Variants in KCNIP4 observed in about 807,000 individuals in gnomAD.
The protein encoded by KCNIP4 is Kv channel-interacting protein 4.
Under a neutral mutation model 34.0 loss-of-function variants are expected in KCNIP4, and 12 were observed. That is an observed-to-expected ratio of 0.35 (90% confidence interval 0.23 to 0.57). The LOEUF is 0.57. Ranked by LOEUF, KCNIP4 falls within the 20% of genes least tolerant of loss-of-function variation. The pLI, the probability that KCNIP4 is intolerant of heterozygous loss-of-function variation, is 0.83. For missense variants in KCNIP4, 238 were observed against 311.7 expected (o/e 0.76, Z 1.78); for synonymous variants, 124 against 102.2 (o/e 1.21, Z -1.29).
chr4:21,324,703 G>GT (rs906832422), intron 1 of KCNIP4, among the ~76,000 whole-genome samples: 12 of 149,852 alleles, frequency 8.0e-5, no homozygotes, highest in African/African-American at 2.7e-4. Context: ...GTTTTGTTTT[G>GT]TTTTTTTCTT....
intron 1 of KCNIP4, among the ~76,000 whole-genome samples, chr4:21,315,032 C>T (rs1324873470): frequency 2.0e-5 from 3 of 152,190 alleles, no homozygotes; most frequent in Non-Finnish European, 4.4e-5. Flanking sequence ...GAAATACTGC[C>T]TGGACACAAA....
intron 1 of KCNIP4, among the ~76,000 whole-genome samples, chr4:20,919,095 G>T (rs1368669352): frequency 6.6e-6 from 1 of 152,176 alleles, no homozygotes; most frequent in Admixed American, 6.5e-5. Context: ...GGGCTGATGT[G>T]AGAGGAAAAG....
At chr4:21,673,842 C>G (rs1201114285) in intron 1 of KCNIP4, among the ~76,000 whole-genome samples, 2 of 152,154 alleles carry the variant, frequency 1.3e-5, no homozygotes, top group African/African-American at 4.8e-5. Context: ...TACCTTACTT[C>G]ATCACTTCCA....
intron 1 of KCNIP4, among the ~76,000 whole-genome samples, chr4:20,948,448 C>A (rs1302199320): frequency 1.3e-5 from 2 of 152,204 alleles, no homozygotes; most frequent in East Asian, 3.9e-4. Context: ...ATCTTTCCAG[C>A]CAGCTTTGAG....
intron 1 of KCNIP4, among the ~76,000 whole-genome samples, chr4:21,648,721 A>C (rs1424413287): frequency 2.0e-5 from 3 of 152,206 alleles, no homozygotes; most frequent in Non-Finnish European, 4.4e-5. Context: ...AATCAGGGTA[A>C]TCAAGCATTG....
chr4:21,708,826 G>A (rs1713491138), intron 1 of KCNIP4, among the ~76,000 whole-genome samples: 1 of 152,152 alleles, frequency 6.6e-6, no homozygotes, highest in South Asian at 2.1e-4. Flanking sequence ...GACTCACACA[G>A]ATTTGGTAAA....
intron 3 of KCNIP4, among the ~76,000 whole-genome samples, chr4:20,821,123 G>A (rs1240158436): frequency 6.6e-6 from 1 of 152,176 alleles, no homozygotes; most frequent in African/African-American, 2.4e-5. Context: ...TGAGGGCTGT[G>A]CCCAACTAAG....
intron 3 of KCNIP4, among the ~76,000 whole-genome samples, chr4:20,761,683 G>C (rs1172895441): frequency 7.2e-5 from 11 of 152,134 alleles, no homozygotes; most frequent in Admixed American, 7.2e-4. Flanking sequence ...CAACAAATTT[G>C]TTAGCTGCCT....
Position 21,926,459 on chromosome 4 carries a change from T to C in KCNIP4, c.61+22112A>G, listed in dbSNP as rs907023682. Among the ~76,000 whole-genome samples, 3 of 152,264 alleles carry C rather than the reference T, an allele frequency of 2.0e-5. No individual in the cohort carries two copies. The South Asian group carries it at 6.2e-4, about 32-fold the overall frequency. ...GCTGAGAAGCAGGTGTTTTCACTAT[T>C]TGAATCATTGAGAAGAATCCAACAC... On this transcript the variant is annotated intron_variant, in intron 1 of 8. Coordinates refer to ENST00000382152, the MANE Select transcript of KCNIP4 (RefSeq NM_025221.6).
chr4:20,919,432 G>C (rs151072152), intron 1 of KCNIP4, among the ~76,000 whole-genome samples: 1 of 151,510 alleles, frequency 6.6e-6, no homozygotes, highest in East Asian at 1.9e-4. Flanking sequence ...GATCGGGCGC[G>C]GTGGCTCATG....
chr4:21,601,828 A>C (rs910241333), intron 1 of KCNIP4, among the ~76,000 whole-genome samples: 1 of 152,078 alleles, frequency 6.6e-6, no homozygotes, highest in Non-Finnish European at 1.5e-5. Flanking sequence ...ATGCTTATGC[A>C]TGGCTGGTTC....
chr4:20,875,757 T>C (rs944660692), intron 2 of KCNIP4, among the ~76,000 whole-genome samples: 57 of 152,296 alleles, frequency 3.7e-4, no homozygotes, highest in African/African-American at 1.2e-3. Context: ...TGTTGTATTT[T>C]TAATGGGCAA....
chr4:21,573,405 G>C (rs1425212304), intron 1 of KCNIP4, among the ~76,000 whole-genome samples: 1 of 151,970 alleles, frequency 6.6e-6, no homozygotes, highest in Non-Finnish European at 1.5e-5. Flanking sequence ...AAGCACCTTA[G>C]ATATTTCTTT....
intron 2 of KCNIP4, among the ~76,000 whole-genome samples, chr4:20,877,344 C>T (rs961084796): frequency 5.3e-5 from 8 of 152,268 alleles, no homozygotes; most frequent in Middle Eastern, 3.4e-3. Flanking sequence ...ATAAACCCTG[C>T]GCATACCTTT....
At chr4:20,993,891 A>C (rs1737307355) in intron 1 of KCNIP4, among the ~76,000 whole-genome samples, 1 of 152,080 alleles carries the variant, frequency 6.6e-6, no homozygotes, top group African/African-American at 2.4e-5. Context: ...GGAGGGAATC[A>C]ATTTTCTTGC....
chr4:21,649,871 T>C (rs1407048847), intron 1 of KCNIP4, among the ~76,000 whole-genome samples: 1 of 152,216 alleles, frequency 6.6e-6, no homozygotes, highest in Non-Finnish European at 1.5e-5. Context: ...TAAGTGTGAA[T>C]GGGCAAAAGC....
intron 1 of KCNIP4, among the ~76,000 whole-genome samples, chr4:21,484,017 T>A (rs974881566): frequency 6.7e-6 from 1 of 149,352 alleles, no homozygotes; most frequent in East Asian, 2.0e-4. Flanking sequence ...TTTTTTTTTT[T>A]ATAGATTACC....
chr4:21,347,074 T>G (rs1324793963), intron 1 of KCNIP4, among the ~76,000 whole-genome samples: 1 of 152,214 alleles, frequency 6.6e-6, no homozygotes, highest in East Asian at 1.9e-4. Flanking sequence ...ACCTTCTAGC[T>G]GTGTGACCTG....
chr4:20,889,530 G>A (rs569024794), intron 1 of KCNIP4, among the ~76,000 whole-genome samples: 50 of 152,156 alleles, frequency 3.3e-4, no homozygotes, highest in South Asian at 3.1e-3. Context: ...TCTGGAGGGC[G>A]GGGAGGGTGT....
Sources: allele counts gnomAD v4.1 joint callset (sites outside exome capture counted in the v4.1 genomes callset), GRCh38; gene constraint gnomAD v4.1.1; transcripts MANE v1.5; gene names NCBI Gene and HGNC (gene_info 2026-07-23, HGNC 2026-07-21).